The following PCDH15 variants were observed in gnomAD, a reference collection of about 807,000 sequenced individuals.
PCDH15 encodes protocadherin-15.
PCDH15 carries 129 observed loss-of-function variants against 178.5 expected under a neutral mutation model. The observed-to-expected ratio is 0.72, with a 90% CI of 0.63 to 0.84. The LOEUF (loss-of-function observed/expected upper bound fraction) is 0.84. Ranked by LOEUF, PCDH15 falls within the 40% of genes least tolerant of loss-of-function variation. PCDH15 has a pLI of 0.00. For missense variants in PCDH15, 2,230 were observed against 2,099.9 expected (o/e 1.06, Z -1.21); for synonymous variants, 800 against 732.0 (o/e 1.09, Z -1.50).
intron 1 of PCDH15, among the ~76,000 whole-genome samples, chr10:54,749,018 A>G (rs1945837241): frequency 6.6e-6 from 1 of 152,178 alleles, no homozygotes; most frequent in Admixed American, 6.5e-5. Context: ...ATTATTTTAT[A>G]AAGGTGAGTG....
At chr10:53,977,790 C>A (rs921742284) in intron 21 of PCDH15, among the ~76,000 whole-genome samples, 2 of 152,186 alleles carry the variant, frequency 1.3e-5, no homozygotes, top group Non-Finnish European at 2.9e-5. Context: ...GGGGTATAGG[C>A]ATTGGTAAAT....
At chr10:55,009,354 T>G (rs892282115) in intron 2 of PCDH15, among the ~76,000 whole-genome samples, 19 of 152,104 alleles carry the variant, frequency 1.2e-4, no homozygotes, top group African/African-American at 4.6e-4. Context: ...TTATAATACT[T>G]GAAAGGATAA....
chr10:53,944,388 G>A (rs1251176324), intron 23 of PCDH15, among the ~76,000 whole-genome samples: 2 of 151,994 alleles, frequency 1.3e-5, no homozygotes, highest in Non-Finnish European at 2.9e-5. Context: ...TCTTCTTTCT[G>A]TTGAGTATAA....
intron 2 of PCDH15, among the ~76,000 whole-genome samples, chr10:55,340,329 T>A (rs1044477343): frequency 4.6e-5 from 7 of 151,886 alleles, no homozygotes; most frequent in Non-Finnish European, 7.4e-5. Flanking sequence ...CTGGTTTACA[T>A]GGAACAATGT....
At chr10:55,092,722 C>T (rs16906936) in intron 2 of PCDH15, among the ~76,000 whole-genome samples, 4 of 151,728 alleles carry the variant, frequency 2.6e-5, no homozygotes, top group South Asian at 2.1e-4. Flanking sequence ...ATGCTTATTG[C>T]TCTGTTTGTT....
intron 2 of PCDH15, among the ~76,000 whole-genome samples, chr10:55,479,613 T>A (rs1381202786): frequency 6.6e-6 from 1 of 151,622 alleles, no homozygotes; most frequent in African/African-American, 2.4e-5. Context: ...ACTAAGCCAA[T>A]GATGACTATT....
intron 8 of PCDH15, among the ~76,000 whole-genome samples, chr10:54,290,791 G>C (rs2059351985): frequency 6.6e-6 from 1 of 152,152 alleles, no homozygotes; most frequent in Admixed American, 6.5e-5. Flanking sequence ...GATCAGAAGA[G>C]ACAAAGAAGG....
intron 4 of PCDH15, among the ~76,000 whole-genome samples, chr10:54,375,067 T>A (rs952858305): frequency 6.6e-6 from 1 of 152,132 alleles, no homozygotes; most frequent in African/African-American, 2.4e-5. Flanking sequence ...TAAATTTTTC[T>A]CTAACTGTTG....
intron 2 of PCDH15, among the ~76,000 whole-genome samples, chr10:55,552,780 A>G (rs1048326368): frequency 2.6e-5 from 4 of 151,518 alleles, no homozygotes; most frequent in African/African-American, 9.7e-5. Flanking sequence ...ATTATAAACT[A>G]TTATAAATAT....
At chr10:55,350,943 G>A (rs1474686363) in intron 2 of PCDH15, among the ~76,000 whole-genome samples, 2 of 151,428 alleles carry the variant, frequency 1.3e-5, no homozygotes, top group Non-Finnish European at 2.9e-5. Flanking sequence ...TGGTCCACAT[G>A]TTTTATTATT....
At chr10:54,262,102 C>A (rs1478445351) in intron 8 of PCDH15, among the ~76,000 whole-genome samples, 1 of 152,064 alleles carries the variant, frequency 6.6e-6, no homozygotes, top group Admixed American at 6.5e-5. Flanking sequence ...GTTTCTACGA[C>A]CCCCATAGAT....
rs756270431 is a variant in PCDH15, at chr10:53,840,429, G to A, written c.3874C>T (p.Arg1292Cys). The change falls in exon 29 of 38, where the codon CGC becomes TGC. Residue 1292 changes from arginine to cysteine, a missense_variant. Physicochemically the swap from Arg to Cys is radical, Grantham distance 180 (BLOSUM62 -3). Transcript: ENST00000644397. ...AGGGAAAAGGCATCTCCATGCCGGC[G>A]AGCTCCAATGGACTCCACTACGACC... ...AKVVVESIGA[R>C]RHGDAFSLED... 3.1e-6 allele frequency: 5 copies of A among 1,613,806 alleles called. No individual in the cohort carries two copies. The South Asian group carries it at 3.3e-5, about 11-fold the overall frequency.
intron 3 of PCDH15, among the ~76,000 whole-genome samples, chr10:54,872,021 T>C (rs1238298891): frequency 3.3e-5 from 5 of 152,108 alleles, no homozygotes; most frequent in African/African-American, 4.8e-5. Flanking sequence ...ATCTGAGCCC[T>C]AGTAAACTCA....
intron 3 of PCDH15, among the ~76,000 whole-genome samples, chr10:54,886,312 G>T (rs970590462): frequency 1.3e-5 from 2 of 152,092 alleles, no homozygotes; most frequent in African/African-American, 2.4e-5. Context: ...AAATTGACTT[G>T]TAAACTTACA....
At chr10:54,591,099 T>C (rs2091858672) in intron 2 of PCDH15, among the ~76,000 whole-genome samples, 1 of 152,158 alleles carries the variant, frequency 6.6e-6, no homozygotes, top group Non-Finnish European at 1.5e-5. Flanking sequence ...ACTAGCCAAA[T>C]GCCCGAAGCC....
At chr10:55,400,576 C>T (rs966968990) in intron 2 of PCDH15, among the ~76,000 whole-genome samples, 25 of 152,086 alleles carry the variant, frequency 1.6e-4, no homozygotes, top group African/African-American at 5.8e-4. Flanking sequence ...ATTCTCCGTG[C>T]TCCCATGGTT....
At chr10:54,802,333 A>T (rs1435771096), upstream of PCDH15, among the ~76,000 whole-genome samples, 1 of 152,230 alleles carries the variant, frequency 6.6e-6, no homozygotes, top group Non-Finnish European at 1.5e-5. Flanking sequence ...GGGAGGGAAA[A>T]ATCTTTAAGA....
chr10:53,813,580 T>C (rs1392279875), intron 35 of PCDH15, among the ~76,000 whole-genome samples: 1 of 152,204 alleles, frequency 6.6e-6, no homozygotes, highest in Non-Finnish European at 1.5e-5. Context: ...TATAACCATT[T>C]CTTCTTTCAC....
At chr10:54,911,311 A>G (rs1257375022) in intron 2 of PCDH15, among the ~76,000 whole-genome samples, 1 of 152,198 alleles carries the variant, frequency 6.6e-6, no homozygotes, top group Non-Finnish European at 1.5e-5. Context: ...CCTTGTATCA[A>G]TTGGTACAAA....
Sources: allele counts gnomAD v4.1 joint callset (sites outside exome capture counted in the v4.1 genomes callset), GRCh38; gene constraint gnomAD v4.1.1; transcripts MANE v1.5; gene names NCBI Gene and HGNC (gene_info 2026-07-23, HGNC 2026-07-21).